Variants in DAB1 observed in about 807,000 individuals in gnomAD.
DAB1 encodes the protein DAB adaptor protein 1.
Under a neutral mutation model 64.6 loss-of-function variants are expected in DAB1, and 15 were observed. That is an observed-to-expected ratio of 0.23 (90% CI 0.16 to 0.36). DAB1 has a LOEUF of 0.36. Among genes scored for constraint, DAB1 ranks in the 10% least tolerant of loss-of-function variants. The pLI is 1.00. For missense variants in DAB1, 596 were observed against 706.7 expected, an observed-to-expected ratio of 0.84 and a Z score of 1.78; for synonymous variants, 235 against 251.9, an observed-to-expected ratio of 0.93 and a Z score of 0.64.
intron 5 of DAB1, among the ~76,000 whole-genome samples, chr1:58,138,725 G>A (rs1466799057): frequency 6.6e-6 from 1 of 152,168 alleles, no homozygotes. Context: ...AAATATGGAA[G>A]CTTGAAGGAG....
chr1:57,955,903 C>T (rs1645381074), intron 5 of DAB1, among the ~76,000 whole-genome samples: 1 of 152,098 alleles, frequency 6.6e-6, no homozygotes, highest in African/African-American at 2.4e-5. Context: ...TCATATTATT[C>T]CCATTTTAAA....
chr1:57,186,927 G>A (rs1323121159), intron 2 of DAB1, among the ~76,000 whole-genome samples: 1 of 152,072 alleles, frequency 6.6e-6, no homozygotes, highest in Non-Finnish European at 1.5e-5. Context: ...TCAGCTCCAG[G>A]CTAATTCATT....
At chr1:57,259,451 T>A (rs1290877142) in intron 2 of DAB1, among the ~76,000 whole-genome samples, 2 of 152,220 alleles carry the variant, frequency 1.3e-5, no homozygotes, top group South Asian at 2.1e-4. Flanking sequence ...CTGAACTAAG[T>A]CTTAACCATC....
chr1:58,201,371 GAAT>G (rs1657988115), intron 4 of DAB1, among the ~76,000 whole-genome samples: 1 of 152,148 alleles, frequency 6.6e-6, no homozygotes, highest in African/African-American at 2.4e-5. Flanking sequence ...TGCCCTTTCA[GAAT>G]ACTGATCTCT....
intron 1 of DAB1, among the ~76,000 whole-genome samples, chr1:58,545,233 C>T (rs187037917): frequency 6.6e-6 from 1 of 152,308 alleles, no homozygotes; most frequent in East Asian, 1.9e-4. Flanking sequence ...TAGCTCTGCA[C>T]ATGACAAGCA....
chr1:57,892,687 C>G (rs1644334940), intron 5 of DAB1, among the ~76,000 whole-genome samples: 1 of 152,168 alleles, frequency 6.6e-6, no homozygotes, highest in African/African-American at 2.4e-5. Flanking sequence ...TTCTTCTATT[C>G]TAACACGTAC....
intron 7 of DAB1, among the ~76,000 whole-genome samples, chr1:57,632,261 T>C (rs1570689853): frequency 6.6e-6 from 1 of 152,208 alleles, no homozygotes; most frequent in East Asian, 1.9e-4. Flanking sequence ...ATTAGTGGAG[T>C]ACTACTCTAG....
chr1:57,130,410 T>C (rs1488514831), intron 4 of DAB1, among the ~76,000 whole-genome samples: 2 of 152,162 alleles, frequency 1.3e-5, no homozygotes, highest in Non-Finnish European at 2.9e-5. Context: ...CACTACTGCG[T>C]ACATATCCAA....
At chr1:57,333,217 G>C (rs1266591997) in intron 1 of DAB1, among the ~76,000 whole-genome samples, 1 of 152,152 alleles carries the variant, frequency 6.6e-6, no homozygotes, top group Non-Finnish European at 1.5e-5. Flanking sequence ...TGCCTGTTTT[G>C]TTTACCACCA....
intron 4 of DAB1, among the ~76,000 whole-genome samples, chr1:58,233,827 C>A (rs1301357575): frequency 2.0e-5 from 3 of 152,170 alleles, no homozygotes; most frequent in African/African-American, 7.2e-5. Context: ...ATGACAGTTT[C>A]TCACCCCAGA....
intron 3 of DAB1, among the ~76,000 whole-genome samples, chr1:58,416,671 C>CT (rs963837420): frequency 2.6e-5 from 4 of 152,084 alleles, no homozygotes; most frequent in Admixed American, 6.6e-5. Context: ...TATGAATCTA[C>CT]TTTTTTTTCT....
chr1:58,482,393 A>T (rs1645502932), intron 3 of DAB1, among the ~76,000 whole-genome samples: 1 of 152,260 alleles, frequency 6.6e-6, no homozygotes, highest in Non-Finnish European at 1.5e-5. Context: ...TGCTGATTTA[A>T]GTAACTAGCC....
chr1:58,072,994 T>C (rs76293925), intron 5 of DAB1, among the ~76,000 whole-genome samples: 2 of 152,342 alleles, frequency 1.3e-5, no homozygotes, highest in Non-Finnish European at 1.5e-5. Context: ...ACATAACTCA[T>C]TTAATATTCA....
At chr1:58,391,644 C>T (rs1644476801) in intron 3 of DAB1, among the ~76,000 whole-genome samples, 1 of 152,166 alleles carries the variant, frequency 6.6e-6, no homozygotes, top group South Asian at 2.1e-4. Context: ...TTCCAAGCCT[C>T]AATCTCCACC....
At chr1:57,431,156 A>C (rs1382398015) in intron 7 of DAB1, among the ~76,000 whole-genome samples, 1 of 151,224 alleles carries the variant, frequency 6.6e-6, no homozygotes, top group Non-Finnish European at 1.5e-5. Context: ...AAAAAAAAAA[A>C]AGAAAAACAA....
chr1:58,037,510 T>A (rs1365229039), intron 5 of DAB1, among the ~76,000 whole-genome samples: 1 of 151,958 alleles, frequency 6.6e-6, no homozygotes, highest in Non-Finnish European at 1.5e-5. Context: ...CTTACAGGAG[T>A]GGGAACTCCA....
chr1:57,038,457 C>T (rs1253338582), intron 9 of DAB1, among the ~76,000 whole-genome samples: 2 of 152,168 alleles, frequency 1.3e-5, no homozygotes, highest in African/African-American at 4.8e-5. Context: ...GCCAGGCCTA[C>T]TGAGATTTGG....
intron 5 of DAB1, among the ~76,000 whole-genome samples, chr1:57,962,949 T>G (rs1354788107): frequency 6.6e-6 from 1 of 152,092 alleles, no homozygotes; most frequent in African/African-American, 2.4e-5. Flanking sequence ...TTTCCCCCAA[T>G]TTTATGCTAT....
At chr1:57,045,206 C>T (rs146886985) in intron 9 of DAB1, among the ~76,000 whole-genome samples, 7 of 152,250 alleles carry the variant, frequency 4.6e-5, no homozygotes, top group African/African-American at 1.7e-4. Flanking sequence ...AAAGGGCAGC[C>T]ATGGTGGGCA....
Sources: gnomAD v4.1 joint callset for allele counts (sites outside exome capture counted in the v4.1 genomes callset) on GRCh38, gnomAD v4.1.1 for gene constraint, MANE v1.5 for transcripts, NCBI Gene and HGNC (gene_info 2026-07-23, HGNC 2026-07-21) for gene names.